DNAAF9: variants seen among roughly 807,000 people sequenced by gnomAD.
The protein encoded by DNAAF9 is dynein axonemal assembly factor 9, also known as shulin.
DNAAF9 carries 90 observed loss-of-function variants against 167.0 expected under a neutral mutation model. The ratio of observed to expected loss-of-function variants is 0.54; its 90% CI spans 0.45 to 0.64. The LOEUF (loss-of-function observed/expected upper bound fraction) is 0.64. Among genes scored for constraint, DNAAF9 ranks in the 30% least tolerant of loss-of-function variants. DNAAF9 has a pLI of 0.00. For missense variants in DNAAF9, 1,315 were observed against 1,442.2 expected (o/e 0.91, Z 1.43); for synonymous variants, 491 against 508.8 (o/e 0.96, Z 0.47).
chr20:3,309,326 T>C (rs1242379523), intron 20 of DNAAF9, among the ~76,000 whole-genome samples: 1 of 152,222 alleles, frequency 6.6e-6, no homozygotes, highest in Non-Finnish European at 1.5e-5. Context: ...TAATGCCTTT[T>C]AGTATAGTGT....
rs2068188995 is a variant in DNAAF9, at chr20:3,251,202, C to G, written c.*1370G>C. 6.6e-6 allele frequency: 1 copy of G among 151,194 alleles called. No homozygotes were observed. Among genetic ancestry groups the G allele is most frequent in the Non-Finnish European group, 1.5e-5 (1 of 67,926 alleles). The allele number at this position is 151,194 out of a possible 1,614,324, so 9.4% of individuals were successfully genotyped here. A position where few individuals can be genotyped will look rare whatever the true frequency, so the allele number is the denominator to read the frequency against. On this transcript the variant is annotated 3_prime_UTR_variant, in exon 37 of 37. Transcript: ENST00000252032. ...CCCTTGAGAGCTGCTTTGCTACTTG[C>G]ATGCAGGCCTCTGTGTGACCAGGCA...
chr20:3,271,270 G>C (rs952069482), intron 29 of DNAAF9, among the ~76,000 whole-genome samples: 1 of 152,046 alleles, frequency 6.6e-6, no homozygotes, highest in African/African-American at 2.4e-5. Flanking sequence ...ATATAACAGG[G>C]GTTATTCATT....
At chr20:3,290,047 T>C (rs936161119) in intron 26 of DNAAF9, 82 bp downstream of exon 26, 36 of 848,840 alleles carry the variant, frequency 4.2e-5, no homozygotes, top group African/African-American at 1.7e-5. Context: ...CCAAGGCCAG[T>C]ACATGTCTAA....
At chr20:3,363,195 C>T (rs1271922996) in intron 6 of DNAAF9, among the ~76,000 whole-genome samples, 1 of 149,164 alleles carries the variant, frequency 6.7e-6, no homozygotes, top group East Asian at 2.0e-4. Context: ...TGCCATTGCT[C>T]TCTGGCCTGG....
At position 3,345,729 on chromosome 20, in the gene DNAAF9, T is replaced by C. The variant is rs185921248; in HGVS notation, c.790-1998A>G. Among the ~76,000 whole-genome samples, 10 of 152,156 alleles carry C rather than the reference T, an allele frequency of 6.6e-5. 1 individual carries two copies. The East Asian group carries it at 1.9e-3, about 29-fold the overall frequency. On this transcript the variant is annotated intron_variant, in intron 8 of 36. Coordinates refer to ENST00000252032, the MANE Select transcript of DNAAF9 (RefSeq NM_001009984.3). Reference sequence around the variant, plus strand: ...TCAATTTACATAAAAACAAAAATGTTTGCATGGCAAGAAAAAAACCCATTA... The same window carrying C: ...TCAATTTACATAAAAACAAAAATGTCTGCATGGCAAGAAAAAAACCCATTA...
Position 3,359,562 on chromosome 20 carries a change from A to T in DNAAF9, c.644T>A (p.Val215Asp), listed in dbSNP as rs1422248325. Residue 215 changes from valine to aspartate, a missense_variant, in exon 7 of 37, where the codon GTC (valine) becomes GAC (aspartate). Val to Asp is a radical substitution (Grantham distance 152). Around this residue, in one of 2 missense-constraint regions of DNAAF9, gnomAD observed 981 missense variants for 1,012.5 expected, o/e 0.97. Transcript: ENST00000252032. Reference protein sequence around the residue: ...LQDVSLNLWNVYSKMDPMSLE... With the variant: ...LQDVSLNLWNDYSKMDPMSLE... The stretch of plus-strand genomic sequence containing the variant: ...AGACATAGGATCCATCTTGCTGTAG[A>T]CATTCCATAGATTCAAACTCACATC... 6.2e-7 allele frequency: 1 copy of T among 1,612,826 alleles called. No individual in the cohort carries two copies.
At chr20:3,401,774 A>G (rs899653838) in intron 1 of DNAAF9, among the ~76,000 whole-genome samples, 7 of 152,206 alleles carry the variant, frequency 4.6e-5, no homozygotes, top group Non-Finnish European at 7.3e-5. Flanking sequence ...GTGATAGAGA[A>G]GATCCTTCCC....
At chr20:3,288,003 T>G (rs1227535145) in intron 26 of DNAAF9, among the ~76,000 whole-genome samples, 1 of 152,188 alleles carries the variant, frequency 6.6e-6, no homozygotes, top group Non-Finnish European at 1.5e-5. Flanking sequence ...ACTGGGGCTT[T>G]TGATAGGAAA....
intron 9 of DNAAF9, 152 bp from the exon 10 acceptor site, chr20:3,340,791 G>C (rs985170315): frequency 1.5e-6 from 1 of 649,922 alleles, no homozygotes; most frequent in East Asian, 2.8e-5. Flanking sequence ...ATCCTTGGCT[G>C]GTTGGAAACG....
intron 25 of DNAAF9, among the ~76,000 whole-genome samples, chr20:3,291,856 A>T (rs2068960938): frequency 1.3e-5 from 2 of 151,964 alleles, no homozygotes; most frequent in African/African-American, 4.8e-5. Flanking sequence ...TCTACCCCTC[A>T]GGCAGTACTC....
At chr20:3,320,044 G>A (rs1386499416) in intron 16 of DNAAF9, among the ~76,000 whole-genome samples, 1 of 152,174 alleles carries the variant, frequency 6.6e-6, no homozygotes, top group East Asian at 1.9e-4. Flanking sequence ...TGGTATTGAG[G>A]AAGGGAAGAG....
intron 1 of DNAAF9, among the ~76,000 whole-genome samples, chr20:3,390,117 T>C (rs1410519627): frequency 1.3e-5 from 2 of 152,170 alleles, no homozygotes; most frequent in Non-Finnish European, 2.9e-5. Context: ...TTGATACCAT[T>C]AGGGATCTAC....
At chr20:3,325,090 C>T (rs987686647) in intron 13 of DNAAF9, 122 bp from the exon 14 acceptor site, 8 of 694,540 alleles carry the variant, frequency 1.2e-5, no homozygotes, top group Non-Finnish European at 2.1e-5. Context: ...TGTGTCCTTC[C>T]CATCTATGTG....
At position 3,287,664 on chromosome 20, in the gene DNAAF9, G is replaced by A. The variant is rs2068875599; in HGVS notation, c.2454C>T (p.Arg818=). 1.9e-6 allele frequency: 3 copies of A among 1,614,252 alleles called. No individual in the cohort carries two copies. In the South Asian group the frequency reaches 3.3e-5, roughly 18 times the overall value. ...NRSARQSAYI[R]KKTRLLVVLQ... is the part of the protein sequence containing the mutation. ...ACACCACCAGCAGTCTGGTCTTCTTGCGGATGTAGGCTGACTGGCGCGCAG... is the reference window on the plus strand; with the variant it reads ...ACACCACCAGCAGTCTGGTCTTCTTACGGATGTAGGCTGACTGGCGCGCAG... The change falls in exon 27 of 37, where the codon CGC becomes CGT. Residue 818 remains arginine (R), a synonymous_variant. Transcript: ENST00000252032.
intron 12 of DNAAF9, among the ~76,000 whole-genome samples, chr20:3,327,481 C>G (rs1248106259): frequency 6.6e-6 from 1 of 151,972 alleles, no homozygotes; most frequent in African/African-American, 2.4e-5. Flanking sequence ...AGGGGCTCAT[C>G]CAAGGGTCCC....
At chr20:3,350,105 CT>C (rs1449701682) in intron 7 of DNAAF9, among the ~76,000 whole-genome samples, 16 of 150,250 alleles carry the variant, frequency 1.1e-4, no homozygotes, top group Non-Finnish European at 2.2e-4. Flanking sequence ...ACATTGTCTA[CT>C]TGCTGCCCAG....
At chr20:3,370,081 C>G (rs1229186743) in intron 6 of DNAAF9, among the ~76,000 whole-genome samples, 1 of 152,132 alleles carries the variant, frequency 6.6e-6, no homozygotes, top group Non-Finnish European at 1.5e-5. Flanking sequence ...AAAAGGCTAA[C>G]TGGAAGGTGT....
At chr20:3,275,136 T>G (rs531373513) in intron 29 of DNAAF9, among the ~76,000 whole-genome samples, 1 of 152,202 alleles carries the variant, frequency 6.6e-6, no homozygotes, top group South Asian at 2.1e-4. Context: ...GTCCAAAATG[T>G]GGCACAGTGG....
intron 1 of DNAAF9, among the ~76,000 whole-genome samples, chr20:3,400,057 G>C (rs1189959674): frequency 6.6e-6 from 1 of 152,200 alleles, no homozygotes; most frequent in Non-Finnish European, 1.5e-5. Context: ...AATGTTATCT[G>C]AAGTTTGTTC....
Sources: gnomAD v4.1 joint callset for allele counts (sites outside exome capture counted in the v4.1 genomes callset) on GRCh38, gnomAD v4.1.1 for gene constraint, gnomAD v4.1.1 regional missense constraint, MANE v1.5 for transcripts, NCBI Gene and HGNC (gene_info 2026-07-23, HGNC 2026-07-21) for gene names.